Variants in UGDH observed in about 807,000 individuals in gnomAD.
UGDH encodes UDP-Glc dehydrogenase.
In UGDH, 38 loss-of-function variants were observed where a neutral mutation model predicts 50.6. That is an observed-to-expected ratio of 0.75 (90% CI 0.58 to 0.98). The LOEUF (loss-of-function observed/expected upper bound fraction) is 0.98, where lower values mean the gene tolerates loss of function less well. Among genes scored for constraint, UGDH ranks in the 50% least tolerant of loss-of-function variants. UGDH has a pLI of 0.00. For synonymous variants in UGDH, 168 were observed against 199.9 expected, an observed-to-expected ratio of 0.84 and a Z score of 1.35; for missense variants, 465 against 606.2, an observed-to-expected ratio of 0.77 and a Z score of 2.45.
Position 39,509,851 on chromosome 4 carries a change from C to A in UGDH, c.720G>T (p.Leu240=). 6.2e-7 allele frequency: 1 copy of A among 1,612,766 alleles called. No individual in the cohort carries two copies. The highest frequency in any genetic ancestry group is 1.3e-5 in the African/African-American group (1 of 74,920). Residue 240 remains leucine (L), a synonymous_variant, in exon 6 of 12, where the codon CTG becomes CTT. Transcript: ENST00000316423. ...CTACATCAGCTCCTGTTGCTTCACA[C>A]AGAGCACTTATGGAGTTAATGCTGC... ...RISSINSISA[L]CEATGADVEE...
At chr4:39,509,615 A>T in intron 6 of UGDH, 145 bp downstream of exon 6, 1 of 950,380 alleles carries the variant, frequency 1.1e-6, no homozygotes, top group Non-Finnish European at 1.5e-6. Context: ...CCTGAGTCTG[A>T]ATCATCTCTA....
In UGDH at chr4:39,499,352, AAAC is replaced by A. The variant is rs1043701683; in HGVS notation, c.*788_*790del. 2 of 152,204 alleles carry A rather than the reference AAAC, an allele frequency of 1.3e-5. No individual in the cohort carries two copies. The highest frequency in any genetic ancestry group is 2.4e-5 in the African/African-American group (1 of 41,458). 9.4% of individuals were successfully genotyped at this position (152,204 alleles called of 1,614,324 possible). ...AAAAAATCAGTGACACATTTTATTA[AAAC>A]AAAAGGAACAAAGGAACTTTAACCA... On this transcript the variant is annotated 3_prime_UTR_variant, in exon 12 of 12. Transcript: ENST00000316423.
chr4:39,503,420 C>T (rs74820621), intron 11 of UGDH, among the ~76,000 whole-genome samples: 1 of 152,192 alleles, frequency 6.6e-6, no homozygotes, highest in African/African-American at 2.4e-5. Context: ...AGACCCCTCA[C>T]AGCACTGGCA....
chr4:39,499,813 A>G lies in UGDH; in HGVS notation c.*330T>C, dbSNP rs146689241. On this transcript the variant is annotated 3_prime_UTR_variant, in exon 12 of 12. Transcript: ENST00000316423. The stretch of plus-strand genomic sequence containing the variant: ...TGGGAGGCCGAGACGGGTGGTTCAC[A>G]AGGTCAGGAGATTGAGACCATCCTG... The G allele has an allele frequency of 0.038, 6,609 of 172,264 alleles. 148 individuals are homozygous for G. Among genetic ancestry groups the G allele is most frequent in the South Asian group, 0.08 (481 of 6,046 alleles). The allele number at this position is 172,264 out of a possible 1,614,324, so 10.7% of individuals were successfully genotyped here.
At chr4:39,514,886 T>C (rs1459264066) in intron 2 of UGDH, among the ~76,000 whole-genome samples, 1 of 152,158 alleles carries the variant, frequency 6.6e-6, no homozygotes, top group Non-Finnish European at 1.5e-5. Flanking sequence ...TTCACCATGT[T>C]GGCTAGGATG....
chr4:39,522,316 G>C (rs888059761), intron 1 of UGDH, among the ~76,000 whole-genome samples: 2 of 152,178 alleles, frequency 1.3e-5, no homozygotes, highest in African/African-American at 4.8e-5. Context: ...CTGTCAAACT[G>C]ATCAGATTCT....
intron 11 of UGDH, among the ~76,000 whole-genome samples, chr4:39,501,625 T>G (rs1022743751): frequency 6.6e-6 from 1 of 152,184 alleles, no homozygotes; most frequent in Admixed American, 6.5e-5. Flanking sequence ...CCAGCTGGAA[T>G]CCTGACTGGC....
chr4:39,523,759 G>A (rs1019917078), intron 1 of UGDH, among the ~76,000 whole-genome samples: 1 of 150,724 alleles, frequency 6.6e-6, no homozygotes, highest in Non-Finnish European at 1.5e-5. Context: ...AGCTGAGATC[G>A]TGCCATGTTG....
At chr4:39,502,471 G>T (rs188016128) in intron 11 of UGDH, among the ~76,000 whole-genome samples, 1 of 152,332 alleles carries the variant, frequency 6.6e-6, no homozygotes, top group African/African-American at 2.4e-5. Flanking sequence ...GATAGCTGGT[G>T]CTGAGATGTG....
In UGDH at chr4:39,505,123, G is replaced by A. The variant is rs559007687; in HGVS notation, c.1171+114C>T. On this transcript the variant is annotated intron_variant, in intron 9 of 11. Transcript: ENST00000316423. ...ACTTTAATTTCAGAGAAATGAGGTT[G>A]AAAAGAGGGCCTACCAATGATATAC... 12 of 1,035,248 alleles carry A rather than the reference G, an allele frequency of 1.2e-5. No individual in the cohort carries two copies. In the African/African-American group the frequency reaches 2.0e-4, roughly 17 times the overall value. The allele number at this position is 1,035,248 out of a possible 1,614,324, so 64.1% of individuals were successfully genotyped here.
rs748628569 is a variant in UGDH at position 39,503,919 on chromosome 4, C to G, written c.1330G>C (p.Val444Leu). The G allele has an allele frequency of 6.2e-7, 1 of 1,614,188 alleles. No homozygotes were observed. The highest frequency in any genetic ancestry group is 8.5e-7 in the Non-Finnish European group (1 of 1,180,020). The change falls in exon 11 of 12, where the codon GTC becomes CTC. Residue 444 changes from valine (V) to leucine (L), a missense_variant. Val to Leu is a conservative substitution (Grantham distance 32). Coordinates refer to ENST00000316423, the MANE Select transcript of UGDH (RefSeq NM_003359.4). ...KPAFIFDGRR[V>L]LDGLHNELQT... ...AGTTCATTGTGGAGCCCATCCAGGA[C>G]ACGCCGTCCATCGAAGATAAAGGCT...
chr4:39,512,700 T>A (rs762072626), intron 3 of UGDH, among the ~76,000 whole-genome samples: 1 of 152,176 alleles, frequency 6.6e-6, no homozygotes. Flanking sequence ...AATATTTTCT[T>A]ATTTTTTTAT....
At chr4:39,521,123 C>T (rs568594582) in intron 2 of UGDH, among the ~76,000 whole-genome samples, 3 of 150,630 alleles carry the variant, frequency 2.0e-5, no homozygotes, top group African/African-American at 2.4e-5. Flanking sequence ...TATCCATAAT[C>T]TCACTGCACT....
At chr4:39,516,152 C>T (rs539278806) in intron 2 of UGDH, among the ~76,000 whole-genome samples, 2 of 152,216 alleles carry the variant, frequency 1.3e-5, no homozygotes, top group African/African-American at 2.4e-5. Flanking sequence ...GGCATGGTGG[C>T]GCTTGCCTGT....
At chr4:39,508,315 C>T (rs906768565) in intron 7 of UGDH, among the ~76,000 whole-genome samples, 1 of 152,134 alleles carries the variant, frequency 6.6e-6, no homozygotes, top group Non-Finnish European at 1.5e-5. Context: ...GTCACTGGAG[C>T]CTCCAACTCC....
In UGDH at chr4:39,509,769, C is replaced by T; in HGVS notation, c.802G>A (p.Ala268Thr). 1 of 1,601,416 alleles carries T rather than the reference C, an allele frequency of 6.2e-7. No homozygotes were observed. The highest frequency in any genetic ancestry group is 1.1e-5 in the South Asian group (1 of 87,556). ...AAAAATTTGAATTTACCAACACTGG[C>T]TTTTAGAAACTTGTTTCCAATTCTC... Reference protein sequence around the residue: ...DQRIGNKFLKASVGFGGSCFQ... With the variant: ...DQRIGNKFLKTSVGFGGSCFQ... The change falls in exon 6 of 12, where the codon GCC becomes ACC. Residue 268 changes from alanine (A) to threonine (T), a missense_variant. Physicochemically the swap from Ala to Thr is moderately conservative, Grantham distance 58 (BLOSUM62 0). Coordinates refer to ENST00000316423, the MANE Select transcript of UGDH (RefSeq NM_003359.4).
chr4:39,525,845 C>T (rs1438621115), intron 1 of UGDH, among the ~76,000 whole-genome samples: 1 of 152,210 alleles, frequency 6.6e-6, no homozygotes, highest in African/African-American at 2.4e-5. Context: ...ACCCTCTGGC[C>T]CTCTATTCTG....
At chr4:39,525,597 C>T (rs1156672600) in intron 1 of UGDH, among the ~76,000 whole-genome samples, 2 of 151,500 alleles carry the variant, frequency 1.3e-5, no homozygotes, top group Admixed American at 1.3e-4. Context: ...AGCTCTGCCT[C>T]CCAGGTTCAT....
At chr4:39,524,503 C>CTTT (rs760533156) in intron 1 of UGDH, among the ~76,000 whole-genome samples, 4 of 144,698 alleles carry the variant, frequency 2.8e-5, no homozygotes, top group Non-Finnish European at 3.0e-5. Flanking sequence ...ATACTATCAA[C>CTTT]TTTTTTTTTT....
Sources: allele counts gnomAD v4.1 joint callset (sites outside exome capture counted in the v4.1 genomes callset), GRCh38; gene constraint gnomAD v4.1.1; transcripts MANE v1.5; gene names NCBI Gene and HGNC (gene_info 2026-07-23, HGNC 2026-07-21).